AGTPBP1: variants seen among roughly 807,000 people sequenced by gnomAD.
AGTPBP1 encodes ATP/GTP binding carboxypeptidase 1.
In AGTPBP1, 70 loss-of-function variants were observed where a neutral mutation model predicts 143.9. That is an observed-to-expected ratio of 0.49 (90% CI 0.40 to 0.59). The LOEUF is 0.59. Among genes scored for constraint, AGTPBP1 ranks in the 20% least tolerant of loss-of-function variants. The pLI is 0.00. For missense variants in AGTPBP1, 1,229 were observed against 1,464.5 expected (o/e 0.84, Z 2.62); for synonymous variants, 463 against 500.2 (o/e 0.93, Z 0.99).
chr9:85,735,405 T>C (rs1357340456), intron 1 of AGTPBP1, among the ~76,000 whole-genome samples: 1 of 152,174 alleles, frequency 6.6e-6, no homozygotes, highest in Non-Finnish European at 1.5e-5. Flanking sequence ...AATTGTTTAA[T>C]ATATACAGAG....
chr9:85,784,793 G>A, the AGTPBP1 span, among the ~76,000 whole-genome samples: 999 of 152,294 alleles, frequency 6.6e-3, 15 homozygotes, highest in African/African-American at 0.023. Flanking sequence ...AGAGTGAGCC[G>A]TGGGGACTGC....
At chr9:85,672,465 G>A (rs1392873696) in intron 7 of AGTPBP1, 85 bp downstream of exon 7, 2 of 1,407,460 alleles carry the variant, frequency 1.4e-6, no homozygotes, top group Non-Finnish European at 1.9e-6. Flanking sequence ...ACAAATATCA[G>A]AGGTTTACAG....
At chr9:85,613,834 TA>T (rs945357213) in intron 17 of AGTPBP1, among the ~76,000 whole-genome samples, 33 of 152,094 alleles carry the variant, frequency 2.2e-4, no homozygotes, top group African/African-American at 7.2e-4. Context: ...ACTTATGATG[TA>T]AAACCTTTAA....
Position 85,578,941 on chromosome 9 carries a change from G to C in AGTPBP1, c.3321C>G (p.Gly1107=). 6.2e-7 allele frequency: 1 copy of C among 1,613,042 alleles called. No individual in the cohort carries two copies. The highest frequency in any genetic ancestry group is 8.5e-7 in the Non-Finnish European group (1 of 1,179,600). Residue 1107 remains glycine, a synonymous_variant, in exon 24 of 26, where the codon GGC becomes GGG. Transcript: ENST00000357081. ...RSYTMESTLC[G]CDQGKYKGLQ... is the part of the protein sequence containing the mutation. ...TTACCTTGTATTTTCCCTGATCACAGCCACATAAAGTACTCTCCATGGTAT... is the reference window on the plus strand; with the variant it reads ...TTACCTTGTATTTTCCCTGATCACACCCACATAAAGTACTCTCCATGGTAT...
chr9:85,781,774 C>A, the AGTPBP1 span, among the ~76,000 whole-genome samples: 2 of 151,960 alleles, frequency 1.3e-5, no homozygotes, highest in South Asian at 4.2e-4. Context: ...TATATCATGA[C>A]CCCTGGAAAT....
chr9:85,694,595 C>T (rs912592755), intron 2 of AGTPBP1, among the ~76,000 whole-genome samples: 5 of 152,118 alleles, frequency 3.3e-5, no homozygotes, highest in African/African-American at 9.7e-5. Context: ...ACTCTATACT[C>T]GCCTGATTTT....
chr9:85,779,500 C>CT, the AGTPBP1 span, among the ~76,000 whole-genome samples: 2 of 152,006 alleles, frequency 1.3e-5, no homozygotes, highest in African/African-American at 4.8e-5. Flanking sequence ...TTTCTGCCTG[C>CT]TTTATATTCA....
the AGTPBP1 span, among the ~76,000 whole-genome samples, chr9:85,753,059 T>C: frequency 3.0e-4 from 46 of 152,196 alleles, 1 homozygote; most frequent in Middle Eastern, 3.4e-3. Flanking sequence ...TATTTTCTTC[T>C]CAAATAGAGC....
chr9:85,760,834 G>C, the AGTPBP1 span, among the ~76,000 whole-genome samples: 1 of 152,130 alleles, frequency 6.6e-6, no homozygotes, highest in Admixed American at 6.5e-5. Flanking sequence ...CAAATTGTCT[G>C]TTTGCAGATG....
At chr9:85,665,519 A>C (rs1834079552) in intron 8 of AGTPBP1, among the ~76,000 whole-genome samples, 1 of 152,150 alleles carries the variant, frequency 6.6e-6, no homozygotes, top group Non-Finnish European at 1.5e-5. Flanking sequence ...TAGAAAACTA[A>C]TATAATAACT....
chr9:85,696,774 AAGT>A (rs1836275670), intron 2 of AGTPBP1, among the ~76,000 whole-genome samples: 1 of 152,222 alleles, frequency 6.6e-6, no homozygotes. Context: ...ATGTGGATAA[AAGT>A]AAGTGTAAGA....
chr9:85,770,144 C>T, the AGTPBP1 span: 11 of 607,370 alleles, frequency 1.8e-5, no homozygotes, highest in South Asian at 1.8e-4. Flanking sequence ...GCATAGCAAG[C>T]ACTCAAAAAA....
intron 18 of AGTPBP1, among the ~76,000 whole-genome samples, chr9:85,595,303 A>G (rs559724274): frequency 6.6e-6 from 1 of 152,348 alleles, no homozygotes; most frequent in African/African-American, 2.4e-5. Context: ...CACAATCTAA[A>G]AAGTCAAAAT....
At chr9:85,622,455 C>T (rs550095324) in intron 14 of AGTPBP1, among the ~76,000 whole-genome samples, 1 of 151,842 alleles carries the variant, frequency 6.6e-6, no homozygotes, top group Admixed American at 6.6e-5. Context: ...CAAGAACCTA[C>T]CCTAATTGAA....
intron 25 of AGTPBP1, among the ~76,000 whole-genome samples, chr9:85,566,529 CA>C (rs72129899): frequency 0.032 from 2,539 of 78,464 alleles, 50 homozygotes; most frequent in African/African-American, 0.13. Flanking sequence ...GACCATGTCT[CA>C]AAAAAAAAAA....
At chr9:85,659,335 A>G (rs1428271838) in intron 9 of AGTPBP1, among the ~76,000 whole-genome samples, 3 of 152,140 alleles carry the variant, frequency 2.0e-5, no homozygotes, top group African/African-American at 4.8e-5. Flanking sequence ...CCAAAACCAA[A>G]AAAATTTTGA....
At chr9:85,797,182 G>A in the AGTPBP1 span, among the ~76,000 whole-genome samples, 4 of 151,824 alleles carry the variant, frequency 2.6e-5, no homozygotes, top group Admixed American at 6.6e-5. Flanking sequence ...GCAGCGACGC[G>A]ATGATAGCCC....
chr9:85,754,481 C>T, the AGTPBP1 span, among the ~76,000 whole-genome samples: 1 of 152,046 alleles, frequency 6.6e-6, no homozygotes, highest in Non-Finnish European at 1.5e-5. Flanking sequence ...CGCGCCCAGC[C>T]AAAGACAAGT....
At chr9:85,696,875 T>C (rs1022639044) in intron 2 of AGTPBP1, among the ~76,000 whole-genome samples, 2 of 152,202 alleles carry the variant, frequency 1.3e-5, no homozygotes, top group African/African-American at 4.8e-5. Flanking sequence ...TACGACACTA[T>C]CACTTATCAA....
Sources: allele counts gnomAD v4.1 joint callset (sites outside exome capture counted in the v4.1 genomes callset), GRCh38; gene constraint gnomAD v4.1.1; transcripts MANE v1.5; gene names NCBI Gene and HGNC (gene_info 2026-07-23, HGNC 2026-07-21).